The following ICE2 variants were observed in gnomAD, a reference collection of about 807,000 sequenced individuals.
ICE2 encodes little elongation complex subunit 2.
ICE2 carries 87 observed loss-of-function variants against 105.4 expected under a neutral mutation model. That is an observed-to-expected ratio of 0.83 (90% CI 0.69 to 0.99). The LOEUF is 0.99. Ranked by LOEUF, ICE2 falls within the 50% of genes least tolerant of loss-of-function variation. The probability of loss-of-function intolerance (pLI) is 0.00; values close to 1 mark genes in which losing one functional copy is unlikely to be tolerated. For missense variants in ICE2, 1,323 were observed against 1,146.7 expected, an observed-to-expected ratio of 1.15 and a Z score of -2.22; for synonymous variants, 399 against 392.0, an observed-to-expected ratio of 1.02 and a Z score of -0.21.
Position 60,449,083 on chromosome 15 carries a change from T to C in ICE2, c.1884A>G (p.Ser628=). 6.2e-7 allele frequency: 1 copy of C among 1,613,964 alleles called. No homozygotes were observed. Among genetic ancestry groups the C allele is most frequent in the Non-Finnish European group, 8.5e-7 (1 of 1,179,898 alleles). The stretch of plus-strand genomic sequence containing the variant: ...GTTTGATAGGTTTTTTTAAAACACA[T>C]GACTCTTCAGGACTACAAGCAGTAT... The part of the protein sequence containing the change: ...QTNTACSPEE[S]CVLKKPIKRV... The change falls in exon 10 of 16, where the codon TCA becomes TCG. Residue 628 remains serine, a synonymous_variant. Transcript: ENST00000261520.
At chr15:60,433,233 G>T (rs2063502620) in intron 13 of ICE2, among the ~76,000 whole-genome samples, 1 of 151,624 alleles carries the variant, frequency 6.6e-6, no homozygotes, top group Non-Finnish European at 1.5e-5. Flanking sequence ...GACTACAGGT[G>T]CCCGCCACCA....
chr15:60,454,048 T>C (rs2064034483), intron 8 of ICE2, among the ~76,000 whole-genome samples: 2 of 152,188 alleles, frequency 1.3e-5, no homozygotes, highest in African/African-American at 4.8e-5. Flanking sequence ...ATATTCTTAC[T>C]GTCATTATTA....
chr15:60,425,476 TAA>T (rs2063321147), intron 15 of ICE2, among the ~76,000 whole-genome samples: 1 of 152,142 alleles, frequency 6.6e-6, no homozygotes, highest in South Asian at 2.1e-4. Flanking sequence ...AAAAAAGGGA[TAA>T]GTGTGAAGCT....
intron 7 of ICE2, 69 bp from the exon 8 acceptor site, chr15:60,455,231 AAGTC>A: frequency 3.3e-6 from 5 of 1,523,252 alleles, no homozygotes; most frequent in Non-Finnish European, 4.4e-6. Context: ...AGAACAAAAA[AAGTC>A]AGAAAGGGGA....
At position 60,454,942 on chromosome 15, in the gene ICE2, G is replaced by A. The variant is rs536633920; in HGVS notation, c.943+61C>T. The A allele has an allele frequency of 3.6e-6, 5 of 1,396,654 alleles. No homozygotes were observed. In the East Asian group the frequency reaches 7.3e-5, roughly 20 times the overall value. The allele number at this position is 1,396,654 out of a possible 1,614,324, so 86.5% of individuals were successfully genotyped here. ...CATTGTTCAACTCCTATTTATGAGT[G>A]AGAACATGCAGTCCAACTTCTCTTT... On this transcript the variant is annotated intron_variant, in intron 8 of 15. Coordinates refer to ENST00000261520, the MANE Select transcript of ICE2 (RefSeq NM_024611.6).
intron 7 of ICE2, 75 bp from the exon 8 acceptor site, chr15:60,455,237 G>A (rs544923878): frequency 6.6e-7 from 1 of 1,518,742 alleles, no homozygotes; most frequent in South Asian, 1.2e-5. Flanking sequence ...AAAAAAGTCA[G>A]AAAGGGGACT....
chr15:60,432,077 C>T, intron 13 of ICE2, 93 bp from the exon 14 acceptor site: 4 of 597,220 alleles, frequency 6.7e-6, no homozygotes, highest in Non-Finnish European at 1.2e-5. Flanking sequence ...CCCTCAATAA[C>T]AACAACAAAA....
In ICE2 at chr15:60,463,239, C is replaced by A. The variant is rs77420027; in HGVS notation, c.528+3355G>T. Among the ~76,000 whole-genome samples, 33 of 152,190 alleles carry A rather than the reference C, an allele frequency of 2.2e-4. 1 individual carries two copies. The East Asian group carries it at 6.2e-3, about 28-fold the overall frequency. On this transcript the variant is annotated intron_variant, in intron 5 of 15. Coordinates refer to ENST00000261520, the MANE Select transcript of ICE2 (RefSeq NM_024611.6). ...TCTGTATATCGAACAGAAACGTGTG[C>A]GTATGTGTACCAAAAGAAATGTATG...
At chr15:60,461,151 G>T (rs2064266332) in intron 5 of ICE2, among the ~76,000 whole-genome samples, 1 of 152,118 alleles carries the variant, frequency 6.6e-6, no homozygotes, top group African/African-American at 2.4e-5. Context: ...TCCAGTCTGA[G>T]AATCACTTGG....
intron 14 of ICE2, among the ~76,000 whole-genome samples, chr15:60,431,199 C>A (rs1455607350): frequency 4.0e-5 from 6 of 150,694 alleles, no homozygotes; most frequent in African/African-American, 1.5e-4. Context: ...TTTTTTTAAT[C>A]TTGAAAGTGA....
At chr15:60,432,686 A>G (rs987446667) in intron 13 of ICE2, among the ~76,000 whole-genome samples, 6 of 151,796 alleles carry the variant, frequency 4.0e-5, no homozygotes, top group African/African-American at 1.5e-4. Flanking sequence ...AGGTCAGGAG[A>G]TGGAGACCAT....
chr15:60,433,460 C>G (rs1207142689), intron 13 of ICE2, among the ~76,000 whole-genome samples: 6 of 151,730 alleles, frequency 4.0e-5, no homozygotes, highest in African/African-American at 1.5e-4. Flanking sequence ...TCCTTTCTTC[C>G]TTTTCTTCTC....
intron 14 of ICE2, among the ~76,000 whole-genome samples, chr15:60,430,238 T>C (rs2063426900): frequency 6.6e-6 from 1 of 152,178 alleles, no homozygotes; most frequent in African/African-American, 2.4e-5. Context: ...GCGACTTAAC[T>C]TGGCGTTGTA....
Position 60,479,119 on chromosome 15 carries a change from G to T in ICE2, c.-209C>A. Reference sequence around the variant, plus strand: ...GACCATATTTAAAGGATGTGGCCGCGCCGACTCGGCCCTGCGTGATGACGT... The same window carrying T: ...GACCATATTTAAAGGATGTGGCCGCTCCGACTCGGCCCTGCGTGATGACGT... On this transcript the variant is annotated 5_prime_UTR_variant, in exon 1 of 16. Transcript: ENST00000261520. 2.4e-6 allele frequency: 1 copy of T among 421,334 alleles called. No homozygotes were observed. The highest frequency in any genetic ancestry group is 1.6e-5 in the South Asian group (1 of 61,474). The allele number at this position is 421,334 out of a possible 1,614,324, so 26.1% of individuals were successfully genotyped here.
chr15:60,463,275 TAA>T (rs1482349647), intron 5 of ICE2, among the ~76,000 whole-genome samples: 5 of 152,146 alleles, frequency 3.3e-5, no homozygotes. Flanking sequence ...AGAATTTTCT[TAA>T]GAGTACTGCT....
chr15:60,476,045 A>G lies in ICE2; in HGVS notation c.146+18T>C. On this transcript the variant is annotated intron_variant, in intron 3 of 15. Coordinates refer to ENST00000261520, the MANE Select transcript of ICE2 (RefSeq NM_024611.6). Reference sequence around the variant, plus strand: ...CGACCATCAAATATGGAAATAAATAACCAAATAAACATATTACCTGTTGGA... The same window carrying G: ...CGACCATCAAATATGGAAATAAATAGCCAAATAAACATATTACCTGTTGGA... 1 of 1,471,828 alleles carries G rather than the reference A, an allele frequency of 6.8e-7. No individual in the cohort carries two copies. Among genetic ancestry groups the G allele is most frequent in the Non-Finnish European group, 9.3e-7 (1 of 1,081,036 alleles). The allele number at this position is 1,471,828 out of a possible 1,614,324, so 91.2% of individuals were successfully genotyped here. A position where few individuals can be genotyped will look rare whatever the true frequency, so the allele number is the denominator to read the frequency against.
At position 60,449,435 on chromosome 15, in the gene ICE2, G is replaced by C; in HGVS notation, c.1532C>G (p.Ser511Cys). The change falls in exon 10 of 16, where the codon TCT (serine) becomes TGT (cysteine). Residue 511 changes from serine (S) to cysteine (C), a missense_variant. Ser to Cys is a moderately radical substitution (Grantham distance 112). Transcript: ENST00000261520. ...AGAATTTTCTAACTGTAAGGCATCA[G>C]ATGTTTTCAAGTCACTATCTTGTAT... ...PLIQDSDLKT[S>C]DALQLENSQE... 6.2e-7 allele frequency: 1 copy of C among 1,613,940 alleles called. No homozygotes were observed. The highest frequency in any genetic ancestry group is 8.5e-7 in the Non-Finnish European group (1 of 1,179,980).
In ICE2 at chr15:60,436,213, A is replaced by G. The variant is rs752116981; in HGVS notation, c.2440T>C (p.Phe814Leu). Residue 814 changes from phenylalanine (F) to leucine (L), a missense_variant, in exon 13 of 16, where the codon TTT (phenylalanine) becomes CTT (leucine). Physicochemically the swap from Phe to Leu is conservative, Grantham distance 22. Coordinates refer to ENST00000261520, the MANE Select transcript of ICE2 (RefSeq NM_024611.6). ...TCCAGTAGAAAAAGTTTTGAAGTAA[A>G]TGCATCGATATGCCCTAAAATAAAA... is the stretch of plus-strand genomic sequence containing the variant. ...SSFYVGHIDA[F>L]TSKLFLLEEI... The G allele has an allele frequency of 7.4e-7, 1 of 1,345,072 alleles. No individual in the cohort carries two copies. The highest frequency in any genetic ancestry group is 1.0e-6 in the Non-Finnish European group (1 of 984,396). 83.3% of individuals were successfully genotyped at this position (1,345,072 alleles called of 1,614,324 possible).
intron 13 of ICE2, among the ~76,000 whole-genome samples, chr15:60,434,764 T>C (rs1357792940): frequency 6.6e-6 from 1 of 151,864 alleles, no homozygotes; most frequent in Non-Finnish European, 1.5e-5. Flanking sequence ...GGGAAGGAAA[T>C]GGATGGGAGA....
Sources: gnomAD v4.1 joint callset for allele counts (sites outside exome capture counted in the v4.1 genomes callset) on GRCh38, gnomAD v4.1.1 for gene constraint, MANE v1.5 for transcripts, NCBI Gene and HGNC (gene_info 2026-07-23, HGNC 2026-07-21) for gene names.